HSPG2: variants seen among roughly 807,000 people sequenced by gnomAD.
The protein encoded by HSPG2 is basement membrane-specific heparan sulfate proteoglycan core protein.
HSPG2 carries 278 observed loss-of-function variants against 526.6 expected under a neutral mutation model. The observed-to-expected ratio is 0.53, with a 90% CI of 0.48 to 0.58. The LOEUF (loss-of-function observed/expected upper bound fraction) is 0.58. HSPG2 is among the 20% of genes least tolerant of loss of function. The pLI is 0.00. For synonymous variants in HSPG2, 2,465 were observed against 2,555.4 expected, an observed-to-expected ratio of 0.96 and a Z score of 1.07; for missense variants, 5,354 against 6,099.5, an observed-to-expected ratio of 0.88 and a Z score of 4.07.
chr1:21,905,099 G>A (rs551008580), intron 1 of HSPG2, among the ~76,000 whole-genome samples: 2 of 152,082 alleles, frequency 1.3e-5, no homozygotes, highest in South Asian at 4.2e-4. Context: ...TCACCAACGG[G>A]TGAGAGGAAA....
chr1:21,874,115 G>T, intron 28 of HSPG2, 104 bp from the exon 29 acceptor site: 1 of 1,009,664 alleles, frequency 9.9e-7, no homozygotes, highest in Non-Finnish European at 1.5e-6. Context: ...ACAGGCATGT[G>T]AACTCATGTG....
In HSPG2 at chr1:21,893,367, A is replaced by C. The variant is rs953158508; in HGVS notation, c.244+2555T>G. ...CCACTGTGTTTAGATCTGTGGGCCC[A>C]GGGTGGGCCTGGCTGTGTCCTGGGC... On this transcript the variant is annotated intron_variant, in intron 3 of 96. Transcript: ENST00000374695. The surrounding 1 kb of genome is among the most constrained non-coding windows in gnomAD (Gnocchi z 4.3). 1.3e-5 allele frequency among the ~76,000 whole-genome samples: 2 copies of C among 152,214 alleles called. No homozygotes were observed. The highest frequency in any genetic ancestry group is 2.4e-5 in the African/African-American group (1 of 41,472).
intron 1 of HSPG2, among the ~76,000 whole-genome samples, chr1:21,899,653 G>A (rs1300322084): frequency 6.6e-6 from 1 of 152,176 alleles, no homozygotes; most frequent in Admixed American, 6.5e-5. Context: ...AGTCACTCTT[G>A]CAAAGCCTCT....
intron 29 of HSPG2, 74 bp from the exon 30 acceptor site, chr1:21,873,498 A>C: frequency 5.7e-6 from 8 of 1,406,444 alleles, no homozygotes; most frequent in Non-Finnish European, 8.1e-6. Context: ...TGAGGGCCCC[A>C]TATTGAATTC....
chr1:21,836,755 CCTGGGCTATG>C, intron 75 of HSPG2, 37 bp downstream of exon 75: 2 of 1,493,934 alleles, frequency 1.3e-6, no homozygotes, highest in Non-Finnish European at 1.8e-6. Context: ...CACTGTGAGC[CCTGGGCTATG>C]CTGCCCAAGT....
At chr1:21,903,924 G>A (rs1037165491) in intron 1 of HSPG2, among the ~76,000 whole-genome samples, 2 of 152,170 alleles carry the variant, frequency 1.3e-5, no homozygotes, top group Non-Finnish European at 1.5e-5. Flanking sequence ...CTCCAAGTCC[G>A]GGCCACCCTG....
intron 1 of HSPG2, among the ~76,000 whole-genome samples, chr1:21,919,849 T>A (rs1279088837): frequency 6.6e-6 from 1 of 152,120 alleles, no homozygotes; most frequent in Non-Finnish European, 1.5e-5. Flanking sequence ...TCCGTAAAAG[T>A]GAGCTATGCC....
rs774744068 is a variant in HSPG2 at position 21,854,264 on chromosome 1, G to C, written c.6368C>G (p.Ser2123Trp). ...GEYVCRVENG[S>W]GPKEASITVS... ...AGTAATGGAGGCCTCCTTGGGGCCC[G>C]ATCCATTCTCCACACGGCACACATA... The change falls in exon 50 of 97, where the codon TCG (serine) becomes TGG (tryptophan). Residue 2123 changes from serine (S) to tryptophan (W), a missense_variant. Ser to Trp is a radical substitution (Grantham distance 177, BLOSUM62 -3). Transcript: ENST00000374695. 1 of 1,585,626 alleles carries C rather than the reference G, an allele frequency of 6.3e-7. No homozygotes were observed. Among genetic ancestry groups the C allele is most frequent in the African/African-American group, 1.3e-5 (1 of 74,494 alleles).
At chr1:21,874,763 C>A in intron 26 of HSPG2, 34 bp from the exon 27 acceptor site, 1 of 1,556,328 alleles carries the variant, frequency 6.4e-7, no homozygotes, top group Non-Finnish European at 8.8e-7. Context: ...GGAGGGACTT[C>A]CGAACACGGC....
Position 21,887,370 on chromosome 1 carries a change from G to T in HSPG2, c.959-36C>A. On this transcript the variant is annotated intron_variant, in intron 8 of 96. Coordinates refer to ENST00000374695, the MANE Select transcript of HSPG2 (RefSeq NM_005529.7). This position sits in a 1 kb window ranked among gnomAD's most constrained non-coding sequence, Gnocchi z 5.0. Reference sequence around the variant, plus strand: ...GGGCAGGGGTCAGCAGCATCCTCCCGGGCCAGCTTCCTGCTCCCCGCACCC... The same window carrying T: ...GGGCAGGGGTCAGCAGCATCCTCCCTGGCCAGCTTCCTGCTCCCCGCACCC... 2.5e-6 allele frequency: 4 copies of T among 1,613,868 alleles called. No individual in the cohort carries two copies. The highest frequency in any genetic ancestry group is 3.4e-6 in the Non-Finnish European group (4 of 1,179,924).
Position 21,904,191 on chromosome 1 carries a change from A to C in HSPG2, c.64-7881T>G, listed in dbSNP as rs1643249534. On this transcript the variant is annotated intron_variant, in intron 1 of 96. Transcript: ENST00000374695. The surrounding 1 kb of genome is among the most constrained non-coding windows in gnomAD (Gnocchi z 4.4). The stretch of plus-strand genomic sequence containing the variant: ...GGAAGGAAGGGGGCCGGCAGAGCCC[A>C]GGGGAGGGTCCCCTCACTTAGGGAG... Among the ~76,000 whole-genome samples, 1 of 152,202 alleles carries C rather than the reference A, an allele frequency of 6.6e-6. No homozygotes were observed. Among genetic ancestry groups the C allele is most frequent in the South Asian group, 2.1e-4 (1 of 4,832 alleles).
chr1:21,884,305 G>A (rs760469605), intron 13 of HSPG2, among the ~76,000 whole-genome samples: 2 of 152,122 alleles, frequency 1.3e-5, no homozygotes, highest in Non-Finnish European at 2.9e-5. Context: ...GCCCGTCCTC[G>A]CCGTAACCTG....
intron 1 of HSPG2, chr1:21,908,000 AG>A: frequency 3.1e-6 from 2 of 646,478 alleles, no homozygotes; most frequent in Non-Finnish European, 5.7e-6. Flanking sequence ...GGTTAAATAC[AG>A]ATGTAAAATG....
chr1:21,828,426 C>A lies in HSPG2; in HGVS notation c.12238G>T (p.Val4080Leu), dbSNP rs766678003. 2 of 1,613,078 alleles carry A rather than the reference C, an allele frequency of 1.2e-6. No individual in the cohort carries two copies. The highest frequency in any genetic ancestry group is 2.7e-5 in the African/African-American group (2 of 74,906). The change falls in exon 89 of 97, where the codon GTG (valine) becomes TTG (leucine). Residue 4080 changes from valine to leucine, a missense_variant and splice_region_variant. Coordinates refer to ENST00000374695, the MANE Select transcript of HSPG2 (RefSeq NM_005529.7). The surrounding 1 kb of genome is among the most constrained non-coding windows in gnomAD (Gnocchi z 6.0). ...TCCAGCCGTTTGCCATTCACTGACA[C>A]CTGTGGGGACAGGGACACCGAGGGA... ...SAHFRGCVGE[V>L]SVNGKRLDLT... is the part of the protein sequence containing the mutation.
chr1:21,908,693 G>T, intron 1 of HSPG2: 1 of 462,694 alleles, frequency 2.2e-6, no homozygotes, highest in South Asian at 2.9e-5. Context: ...TAATGAGTTT[G>T]AAAGCCATCA....
chr1:21,849,062 C>T, intron 57 of HSPG2, 31 bp from the exon 58 acceptor site: 7 of 1,609,322 alleles, frequency 4.3e-6, no homozygotes, highest in Non-Finnish European at 5.9e-6. Flanking sequence ...GAGGCAGGCT[C>T]AGAGCTGGGC....
At position 21,872,263 on chromosome 1, in the gene HSPG2, G is replaced by A. The variant is rs769680456; in HGVS notation, c.4144C>T (p.Leu1382Phe). 8 of 1,555,520 alleles carry A rather than the reference G, an allele frequency of 5.1e-6. No homozygotes were observed. The highest frequency in any genetic ancestry group is 3.9e-5 in the Admixed American group (2 of 51,474). Residue 1382 changes from leucine to phenylalanine, a missense_variant, in exon 33 of 97, where the codon CTC becomes TTC. By Grantham distance (22) the Leu-to-Phe change is conservative. Coordinates refer to ENST00000374695, the MANE Select transcript of HSPG2 (RefSeq NM_005529.7). The surrounding 1 kb of genome is among the most constrained non-coding windows in gnomAD (Gnocchi z 5.5). ...TVEPVPEGAQ[L>F]SFGNFAQLGH... is the part of the protein sequence containing the mutation. ...AGTTGGGCAAAGTTGCCAAAAGAGAGCTGGGCACCCTCGGGCACGGGTTCC... is the reference window on the plus strand; with the variant it reads ...AGTTGGGCAAAGTTGCCAAAAGAGAACTGGGCACCCTCGGGCACGGGTTCC...
chr1:21,875,776 C>A (rs1161206744), intron 24 of HSPG2, 29 bp from the exon 25 acceptor site: 1 of 1,605,334 alleles, frequency 6.2e-7, no homozygotes, highest in Non-Finnish European at 8.5e-7. Context: ...ATGTGCTCAG[C>A]CCCTGACGTC....
At position 21,835,699 on chromosome 1, in the gene HSPG2, T is replaced by C. The variant is rs369063182; in HGVS notation, c.10356-62A>G. 8.1e-5 allele frequency: 107 copies of C among 1,325,722 alleles called. 1 individual carries two copies. The South Asian group carries it at 1.0e-3, about 12-fold the overall frequency. 82.1% of individuals were successfully genotyped at this position (1,325,722 alleles called of 1,614,324 possible). ...AAACAACTGATAGAATGCTTTGCAA[T>C]TGGGCTGGGCGTGGTGGCTCACGCC... On this transcript the variant is annotated intron_variant, in intron 75 of 96. Coordinates refer to ENST00000374695, the MANE Select transcript of HSPG2 (RefSeq NM_005529.7).
Sources: allele counts gnomAD v4.1 joint callset (sites outside exome capture counted in the v4.1 genomes callset), GRCh38; gene constraint gnomAD v4.1.1; non-coding constraint Gnocchi (gnomAD v3.1); transcripts MANE v1.5; gene names NCBI Gene and HGNC (gene_info 2026-07-23, HGNC 2026-07-21).